RBM18: variants seen among roughly 807,000 people sequenced by gnomAD.
The protein encoded by RBM18 is probable RNA-binding protein 18.
A neutral mutation model predicts 26.4 loss-of-function variants in RBM18; 18 were observed. The observed-to-expected ratio is 0.68, with a 90% CI of 0.47 to 1.01. The LOEUF is 1.01. Among genes scored for constraint, RBM18 ranks in the 50% least tolerant of loss-of-function variants. The pLI is 0.00. For missense variants in RBM18, 180 were observed against 219.2 expected, an observed-to-expected ratio of 0.82 and a Z score of 1.13; for synonymous variants, 74 against 81.1, an observed-to-expected ratio of 0.91 and a Z score of 0.47.
At chr9:122,247,047 G>GT (rs1831516559) in intron 4 of RBM18, among the ~76,000 whole-genome samples, 1 of 152,062 alleles carries the variant, frequency 6.6e-6, no homozygotes, top group African/African-American at 2.4e-5. Flanking sequence ...CCACACCCTA[G>GT]TAACTCCCAA....
chr9:122,251,713 A>T (rs73663059), intron 3 of RBM18, 134 bp downstream of exon 3: 3 of 721,864 alleles, frequency 4.2e-6, no homozygotes, highest in African/African-American at 3.6e-5. Flanking sequence ...TATAGGACTC[A>T]GTGTAAGGCA....
chr9:122,258,513 C>T (rs558150433), intron 2 of RBM18, among the ~76,000 whole-genome samples: 3 of 152,256 alleles, frequency 2.0e-5, no homozygotes, highest in African/African-American at 4.8e-5. Context: ...GTGATTCACC[C>T]GCCTCGGCCT....
At position 122,239,820 on chromosome 9, in the gene RBM18, G is replaced by A. The variant is rs1299220064; in HGVS notation, c.*2064C>T. 6.6e-6 allele frequency: 1 copy of A among 152,190 alleles called. No individual in the cohort carries two copies. The highest frequency in any genetic ancestry group is 1.5e-5 in the Non-Finnish European group (1 of 68,036). The allele number at this position is 152,190 out of a possible 1,614,324, so 9.4% of individuals were successfully genotyped here. Reference sequence around the variant, plus strand: ...TCTATTCTCATCTCTAACAACAGAGGTAGGCAGGCATAAAGGGTAAAGAGA... The same window carrying A: ...TCTATTCTCATCTCTAACAACAGAGATAGGCAGGCATAAAGGGTAAAGAGA... On this transcript the variant is annotated 3_prime_UTR_variant, in exon 6 of 6. Coordinates refer to ENST00000417201, the MANE Select transcript of RBM18 (RefSeq NM_033117.4).
chr9:122,246,104 A>T (rs752444189), intron 4 of RBM18, among the ~76,000 whole-genome samples: 2 of 152,246 alleles, frequency 1.3e-5, no homozygotes, highest in Non-Finnish European at 2.9e-5. Flanking sequence ...GTTGATACAG[A>T]AAACATTCTA....
intron 1 of RBM18, among the ~76,000 whole-genome samples, chr9:122,264,422 G>C (rs1831914337): frequency 6.6e-6 from 1 of 152,210 alleles, no homozygotes; most frequent in Admixed American, 6.5e-5. Flanking sequence ...TTCCAGCTGA[G>C]CTGCAATAAC....
chr9:122,257,201 G>A (rs567334627), intron 2 of RBM18, among the ~76,000 whole-genome samples: 4 of 152,202 alleles, frequency 2.6e-5, no homozygotes, highest in East Asian at 3.9e-4. Context: ...TCAGCCTCCC[G>A]AGTAGCTGGG....
chr9:122,245,393 TA>T, intron 4 of RBM18, 52 bp from the exon 5 acceptor site: 5 of 1,129,582 alleles, frequency 4.4e-6, no homozygotes, highest in Non-Finnish European at 6.7e-6. Context: ...ACCAGCCCTT[TA>T]CTGTAGTGGA....
chr9:122,239,745 A>T lies in RBM18; in HGVS notation c.*2139T>A, dbSNP rs748796654. 4.6e-5 allele frequency: 7 copies of T among 152,254 alleles called. No homozygotes were observed. Among genetic ancestry groups the T allele is most frequent in the Non-Finnish European group, 4.4e-5 (3 of 68,046 alleles). 9.4% of individuals were successfully genotyped at this position (152,254 alleles called of 1,614,324 possible). Reference sequence around the variant, plus strand: ...CAGTACGATACTTGCAGAGATTTCCATTAACAACTTCTTTTCAAATAGTGA... The same window carrying T: ...CAGTACGATACTTGCAGAGATTTCCTTTAACAACTTCTTTTCAAATAGTGA... On this transcript the variant is annotated 3_prime_UTR_variant, in exon 6 of 6. Transcript: ENST00000417201.
intron 2 of RBM18, among the ~76,000 whole-genome samples, chr9:122,253,738 A>T (rs943001132): frequency 2.0e-5 from 3 of 151,710 alleles, no homozygotes; most frequent in Non-Finnish European, 1.5e-5. Flanking sequence ...AAAAAAAAAA[A>T]ATCTAGGCCA....
At chr9:122,245,375 G>T (rs1184846447) in intron 4 of RBM18, 34 bp from the exon 5 acceptor site, 2 of 1,380,062 alleles carry the variant, frequency 1.4e-6, no homozygotes, top group South Asian at 1.2e-5. Flanking sequence ...TACTTCACAT[G>T]GGCAGAAACC....
chr9:122,238,380 G>GT lies in RBM18; in HGVS notation c.*3503dup, dbSNP rs2118941938. ...AGCGGTAAGTGCTTTTGAGAAAATC[G>GT]TGAGGAAAGGATTGGAGAGTGACAG... is the stretch of plus-strand genomic sequence containing the variant. On this transcript the variant is annotated 3_prime_UTR_variant, in exon 6 of 6. Coordinates refer to ENST00000417201, the MANE Select transcript of RBM18 (RefSeq NM_033117.4). The GT allele has an allele frequency of 6.6e-6, 1 of 152,316 alleles. No homozygotes were observed. The highest frequency in any genetic ancestry group is 2.1e-4 in the South Asian group (1 of 4,830). 9.4% of individuals were successfully genotyped at this position (152,316 alleles called of 1,614,324 possible).
intron 3 of RBM18, among the ~76,000 whole-genome samples, chr9:122,250,724 C>A (rs1342470772): frequency 1.3e-5 from 2 of 151,866 alleles, no homozygotes; most frequent in Non-Finnish European, 2.9e-5. Context: ...CACTGTGTAA[C>A]GTGTTTATGT....
At chr9:122,245,849 G>A (rs568243981) in intron 4 of RBM18, among the ~76,000 whole-genome samples, 13 of 151,686 alleles carry the variant, frequency 8.6e-5, no homozygotes, top group Admixed American at 4.6e-4. Flanking sequence ...AAAATTACCC[G>A]GGCATGCTGG....
At chr9:122,258,612 G>A (rs1831735251) in intron 2 of RBM18, among the ~76,000 whole-genome samples, 1 of 151,932 alleles carries the variant, frequency 6.6e-6, no homozygotes, top group African/African-American at 2.4e-5. Flanking sequence ...TAATAAACCA[G>A]TCTGTTTGAC....
intron 1 of RBM18, among the ~76,000 whole-genome samples, chr9:122,264,226 G>T (rs527413054): frequency 6.6e-6 from 1 of 152,282 alleles, no homozygotes; most frequent in East Asian, 1.9e-4. Flanking sequence ...ACAATTTGTC[G>T]TCTCACGAGG....
intron 2 of RBM18, among the ~76,000 whole-genome samples, chr9:122,258,417 C>T (rs1474903187): frequency 2.6e-5 from 4 of 151,976 alleles, no homozygotes; most frequent in African/African-American, 7.3e-5. Flanking sequence ...TACAGGCAAC[C>T]GCCACCACGC....
At chr9:122,260,631 G>A (rs1431519078) in intron 2 of RBM18, among the ~76,000 whole-genome samples, 5 of 152,150 alleles carry the variant, frequency 3.3e-5, no homozygotes, top group Admixed American at 3.3e-4. Flanking sequence ...GGATAAAAAA[G>A]CTGGGTCCCA....
chr9:122,254,040 G>GA (rs202070737), intron 2 of RBM18, among the ~76,000 whole-genome samples: 5,710 of 143,490 alleles, frequency 0.04, 385 homozygotes, highest in African/African-American at 0.14. Flanking sequence ...AAAAAAAAAA[G>GA]AAAAAAAACC....
Position 122,249,187 on chromosome 9 carries a change from T to G in RBM18, c.241-1583A>C, listed in dbSNP as rs561807056. On this transcript the variant is annotated intron_variant, in intron 3 of 5. Coordinates refer to ENST00000417201, the MANE Select transcript of RBM18 (RefSeq NM_033117.4). ...TCATATATTTAAAAATATTATTAAA[T>G]GTCTACTTTTTTTTTATACTTTCAT... Among the ~76,000 whole-genome samples the G allele has an allele frequency of 2.5e-4, 38 of 152,292 alleles. 1 individual carries two copies. In the South Asian group the frequency reaches 7.7e-3, roughly 31 times the overall value.
Sources: allele counts gnomAD v4.1 joint callset (sites outside exome capture counted in the v4.1 genomes callset), GRCh38; gene constraint gnomAD v4.1.1; transcripts MANE v1.5; gene names NCBI Gene and HGNC (gene_info 2026-07-23, HGNC 2026-07-21).